ANKRD17: variants seen among roughly 807,000 people sequenced by gnomAD.
ANKRD17 encodes the protein ankyrin repeat domain-containing protein 17.
Under a neutral mutation model 229.7 loss-of-function variants are expected in ANKRD17, and 19 were observed. The ratio of observed to expected loss-of-function variants is 0.08; its 90% confidence interval spans 0.06 to 0.12. The LOEUF (loss-of-function observed/expected upper bound fraction) is 0.12. Among genes scored for constraint, ANKRD17 ranks in the 10% least tolerant of loss-of-function variants. The pLI, the probability that ANKRD17 is intolerant of heterozygous loss-of-function variation, is 1.00. For missense variants in ANKRD17, 2,176 were observed against 3,176.8 expected, an observed-to-expected ratio of 0.68 and a Z score of 7.57; for synonymous variants, 1,112 against 1,146.1, an observed-to-expected ratio of 0.97 and a Z score of 0.60.
At chr4:73,170,823 T>C (rs1189344349) in intron 2 of ANKRD17, among the ~76,000 whole-genome samples, 1 of 152,080 alleles carries the variant, frequency 6.6e-6, no homozygotes, top group Non-Finnish European at 1.5e-5. Context: ...GGACTGTATA[T>C]CGTGGTTTGA....
chr4:73,077,168 A>G, intron 32 of ANKRD17, 64 bp from the exon 33 acceptor site: 5 of 1,468,166 alleles, frequency 3.4e-6, no homozygotes, highest in Non-Finnish European at 4.5e-6. Context: ...AATATAATCA[A>G]TAGCCTTAAA....
At chr4:73,230,268 T>C (rs1742914674) in intron 1 of ANKRD17, among the ~76,000 whole-genome samples, 1 of 152,116 alleles carries the variant, frequency 6.6e-6, no homozygotes, top group African/African-American at 2.4e-5. Flanking sequence ...ATATTCTAAA[T>C]ATAAGGAATG....
chr4:73,093,590 T>G (rs1191981905), intron 28 of ANKRD17, among the ~76,000 whole-genome samples: 1 of 152,064 alleles, frequency 6.6e-6, no homozygotes, highest in Non-Finnish European at 1.5e-5. Context: ...TTGAGGCTGG[T>G]CTCGAACTCC....
chr4:73,240,299 A>T, intron 1 of ANKRD17, among the ~76,000 whole-genome samples: 1 of 152,018 alleles, frequency 6.6e-6, no homozygotes, highest in East Asian at 1.9e-4. Flanking sequence ...TTAGAGGTTT[A>T]AGCAATAAAA....
intron 2 of ANKRD17, among the ~76,000 whole-genome samples, chr4:73,174,853 G>A (rs1413613545): frequency 6.6e-6 from 1 of 151,978 alleles, no homozygotes; most frequent in African/African-American, 2.4e-5. Flanking sequence ...TACCTAGGAA[G>A]GAACTTAATC....
intron 1 of ANKRD17, among the ~76,000 whole-genome samples, chr4:73,185,386 C>A (rs1736158085): frequency 6.6e-6 from 1 of 151,708 alleles, no homozygotes; most frequent in Non-Finnish European, 1.5e-5. Flanking sequence ...AACCAGTAAT[C>A]TACATTTCAG....
chr4:73,103,172 T>C (rs1419411191), intron 24 of ANKRD17, among the ~76,000 whole-genome samples: 1 of 151,844 alleles, frequency 6.6e-6, no homozygotes, highest in Non-Finnish European at 1.5e-5. Flanking sequence ...ATTATAAATA[T>C]GTACTTGGGA....
At chr4:73,166,711 C>G (rs1010937065) in intron 2 of ANKRD17, among the ~76,000 whole-genome samples, 4 of 145,284 alleles carry the variant, frequency 2.8e-5, no homozygotes, top group African/African-American at 1.0e-4. Flanking sequence ...GCACAACTGG[C>G]AAAATCCATA....
chr4:73,189,487 C>T (rs1736760045), intron 1 of ANKRD17, among the ~76,000 whole-genome samples: 1 of 128,720 alleles, frequency 7.8e-6, no homozygotes, highest in Admixed American at 9.8e-5. Flanking sequence ...ACCTCCATTT[C>T]CTGGGTTCAA....
At chr4:73,156,192 C>T in intron 3 of ANKRD17, 26 bp from the exon 4 acceptor site, 4 of 1,563,582 alleles carry the variant, frequency 2.6e-6, no homozygotes, top group Non-Finnish European at 3.4e-6. Flanking sequence ...TATCACAATA[C>T]CAGAATATAA....
chr4:73,126,408 G>T (rs1727473432), intron 16 of ANKRD17, among the ~76,000 whole-genome samples: 1 of 152,036 alleles, frequency 6.6e-6, no homozygotes, highest in Non-Finnish European at 1.5e-5. Context: ...ATCCTCAGTA[G>T]TAGGGCCAAA....
intron 16 of ANKRD17, among the ~76,000 whole-genome samples, chr4:73,127,435 G>A (rs768082123): frequency 6.6e-5 from 10 of 151,202 alleles, no homozygotes; most frequent in Non-Finnish European, 1.2e-4. Flanking sequence ...TTTTTAATGC[G>A]ACTACTAGAG....
chr4:73,150,540 T>G (rs1451023135), intron 7 of ANKRD17, among the ~76,000 whole-genome samples: 2 of 152,126 alleles, frequency 1.3e-5, no homozygotes. Flanking sequence ...AACTTTTATT[T>G]GTTAAAAAAA....
Position 73,091,703 on chromosome 4 carries a change from T to C in ANKRD17, c.5925A>G (p.Ser1975=), listed in dbSNP as rs146121860. The change falls in exon 29 of 34, where the codon TCA becomes TCG. Residue 1975 remains serine, a synonymous_variant. Coordinates refer to ENST00000358602, the MANE Select transcript of ANKRD17 (RefSeq NM_032217.5). Reference sequence around the variant, plus strand: ...ATGTACCAGGCACCGTTGAAGCTGATGAACTGGTTGTAGTTGTTGGGCTTG... The same window carrying C: ...ATGTACCAGGCACCGTTGAAGCTGACGAACTGGTTGTAGTTGTTGGGCTTG... The part of the protein sequence containing the change: ...LTSSPTTTTS[S]SASTVPGTST... 1.9e-4 allele frequency: 314 copies of C among 1,614,184 alleles called. 1 individual carries two copies. In the African/African-American group the frequency reaches 3.5e-3, roughly 18 times the overall value.
chr4:73,170,771 T>C (rs530227368), intron 2 of ANKRD17, among the ~76,000 whole-genome samples: 5 of 152,170 alleles, frequency 3.3e-5, no homozygotes, highest in African/African-American at 9.6e-5. Context: ...GTGACGGCCA[T>C]GGGCTGAGAC....
Position 73,163,043 on chromosome 4 carries a change from T to G in ANKRD17, c.548-1695A>C, listed in dbSNP as rs187408956. Among the ~76,000 whole-genome samples the G allele has an allele frequency of 5.1e-3, 781 of 151,836 alleles. 6 individuals are homozygous for G. Among genetic ancestry groups the G allele is most frequent in the Non-Finnish European group, 7.2e-3 (490 of 67,910 alleles). ...CTGGCTAATTGCTTTTTTTTTTTTTTTTGTTAGAGACAGGGTCTCACTATG... is the reference window on the plus strand; with the variant it reads ...CTGGCTAATTGCTTTTTTTTTTTTTGTTGTTAGAGACAGGGTCTCACTATG... On this transcript the variant is annotated intron_variant, in intron 2 of 33. Transcript: ENST00000358602.
At position 73,121,076 on chromosome 4, in the gene ANKRD17, G is replaced by T; in HGVS notation, c.3654C>A (p.Gly1218=). The change falls in exon 20 of 34, where the codon GGC becomes GGA. Residue 1218 remains glycine (G), a synonymous_variant. Coordinates refer to ENST00000358602, the MANE Select transcript of ANKRD17 (RefSeq NM_032217.5). The part of the protein sequence containing the change: ...EINSRTGSKL[G]ISPLMLAAMN... ...TAGCTGCTAACATCAGAGGAGAGATGCCCAATTTGCTACCAGTTCTAGGGG... is the reference window on the plus strand; with the variant it reads ...TAGCTGCTAACATCAGAGGAGAGATTCCCAATTTGCTACCAGTTCTAGGGG... The T allele has an allele frequency of 6.2e-7, 1 of 1,613,784 alleles. No homozygotes were observed. The highest frequency in any genetic ancestry group is 8.5e-7 in the Non-Finnish European group (1 of 1,179,790).
chr4:73,141,706 C>A, intron 14 of ANKRD17, 35 bp downstream of exon 14: 2 of 1,570,468 alleles, frequency 1.3e-6, no homozygotes, highest in Non-Finnish European at 1.8e-6. Context: ...TACCTGGACA[C>A]CAAGTAAGAA....
intron 11 of ANKRD17, 78 bp from the exon 12 acceptor site, chr4:73,142,845 A>C (rs1475795955): frequency 2.3e-5 from 34 of 1,472,220 alleles, no homozygotes; most frequent in Non-Finnish European, 3.0e-5. Flanking sequence ...AAAATCATGA[A>C]GAGTAGAGAA....
Sources: allele counts gnomAD v4.1 joint callset (sites outside exome capture counted in the v4.1 genomes callset), GRCh38; gene constraint gnomAD v4.1.1; transcripts MANE v1.5; gene names NCBI Gene and HGNC (gene_info 2026-07-23, HGNC 2026-07-21).